Variants in RYR1 observed in about 807,000 individuals in gnomAD.
RYR1 encodes the protein ryanodine receptor 1.
Under a neutral mutation model 583.5 loss-of-function variants are expected in RYR1, and 342 were observed. The observed-to-expected ratio is 0.59, with a 90% CI of 0.54 to 0.64. RYR1 has a LOEUF of 0.64. Among genes scored for constraint, RYR1 ranks in the 30% least tolerant of loss-of-function variants. The pLI is 0.00. For synonymous variants in RYR1, 2,791 were observed against 2,822.5 expected, an observed-to-expected ratio of 0.99 and a Z score of 0.35; for missense variants, 6,032 against 6,917.2, an observed-to-expected ratio of 0.87 and a Z score of 4.54.
rs1470156027 is a variant in RYR1 at position 38,483,515 on chromosome 19, C to T, written c.4933C>T (p.Arg1645Trp). The change falls in exon 33 of 106, where the codon CGG becomes TGG. Residue 1645 changes from arginine to tryptophan, a missense_variant and splice_region_variant. Arg to Trp is a moderately radical substitution (Grantham distance 101). Transcript: ENST00000359596. The surrounding 1 kb of genome is among the most constrained non-coding windows in gnomAD (Gnocchi z 6.3). ...GGCGCTGCACATCCCCGAGGAGAAC[C>T]GGTCAGGGCCAGCCCAGCTATGCAG... ...MMALHIPEEN[R>W]CMDILELSER... The T allele has an allele frequency of 2.6e-6, 4 of 1,544,906 alleles. No homozygotes were observed. Among genetic ancestry groups the T allele is most frequent in the South Asian group, 2.4e-5 (2 of 84,318 alleles).
chr19:38,500,797 C>G lies in RYR1; in HGVS notation c.7445-24C>G. 1 of 1,613,420 alleles carries G rather than the reference C, an allele frequency of 6.2e-7. No homozygotes were observed. Among genetic ancestry groups the G allele is most frequent in the Non-Finnish European group, 8.5e-7 (1 of 1,179,540 alleles). On this transcript the variant is annotated intron_variant, in intron 46 of 105. Coordinates refer to ENST00000359596, the MANE Select transcript of RYR1 (RefSeq NM_000540.3). The surrounding 1 kb of genome is among the most constrained non-coding windows in gnomAD (Gnocchi z 5.9). ...AGCGGCTGGGTCCGCAGGGCATCCCCGAACCCACCCTCCCTGCCTGCAGAT... is the reference window on the plus strand; with the variant it reads ...AGCGGCTGGGTCCGCAGGGCATCCCGGAACCCACCCTCCCTGCCTGCAGAT...
At chr19:38,554,129 TGGAG>T (rs1454099963) in intron 89 of RYR1, among the ~76,000 whole-genome samples, 1 of 151,770 alleles carries the variant, frequency 6.6e-6, no homozygotes, top group African/African-American at 2.4e-5. Flanking sequence ...TTCCAGCAGA[TGGAG>T]GGAAATGTGC....
At chr19:38,532,129 T>TG in intron 76 of RYR1, among the ~76,000 whole-genome samples, 1 of 151,452 alleles carries the variant, frequency 6.6e-6, no homozygotes. Flanking sequence ...GCTCTTTTTT[T>TG]TTTTTTTTTT....
At chr19:38,570,112 G>C (rs1973645521) in intron 93 of RYR1, among the ~76,000 whole-genome samples, 1 of 152,168 alleles carries the variant, frequency 6.6e-6, no homozygotes, top group African/African-American at 2.4e-5. Flanking sequence ...AGTGAGCCGA[G>C]ATGGCGCCAC....
In RYR1 at chr19:38,499,126, G is replaced by A. The variant is rs377080876; in HGVS notation, c.6910G>A (p.Gly2304Ser). The change falls in exon 43 of 106, where the codon GGC becomes AGC. Residue 2304 changes from glycine to serine, a missense_variant. By Grantham distance (56) the Gly-to-Ser change is moderately conservative. Around this residue, in one of 11 missense-constraint regions of RYR1, gnomAD observed 2,627 missense variants for 2,961.3 expected, o/e 0.89. Coordinates refer to ENST00000359596, the MANE Select transcript of RYR1 (RefSeq NM_000540.3). The surrounding 1 kb of genome is among the most constrained non-coding windows in gnomAD (Gnocchi z 7.3). ...CCCCCAGGTTGTGTCCTACCTGGCA[G>A]GCTGTGGCCTCCAGAGCTGCCCCAT... ...DLEKVVSYLA[G>S]CGLQSCPMLV... The A allele has an allele frequency of 2.7e-5, 43 of 1,614,038 alleles. No individual in the cohort carries two copies. In the African/African-American group the frequency reaches 4.7e-4, roughly 18 times the overall value.
chr19:38,452,700 G>C (rs531970829), intron 12 of RYR1, 119 bp from the exon 13 acceptor site: 1 of 873,824 alleles, frequency 1.1e-6, no homozygotes, highest in East Asian at 2.7e-5. Flanking sequence ...TCTGCGTCTC[G>C]GTCTCCCTCT....
intron 89 of RYR1, among the ~76,000 whole-genome samples, chr19:38,553,943 A>T (rs1356277434): frequency 6.6e-6 from 1 of 152,120 alleles, no homozygotes; most frequent in Non-Finnish European, 1.5e-5. Flanking sequence ...CGCTGTGTGT[A>T]TATTATGGTT....
chr19:38,572,074 T>A lies in RYR1; in HGVS notation c.13802T>A (p.Val4601Glu), dbSNP rs1973739369. 6.2e-7 allele frequency: 1 copy of A among 1,613,984 alleles called. No homozygotes were observed. Among genetic ancestry groups the A allele is most frequent in the Non-Finnish European group, 8.5e-7 (1 of 1,180,030 alleles). Residue 4601 changes from valine to glutamate, a missense_variant, in exon 95 of 106, where the codon GTG becomes GAG. This residue lies in a region of RYR1 where 35 missense variants were observed against 66.0 expected (regional missense o/e 0.53). Transcript: ENST00000359596. ...DDMEGSAAGD[V>E]SGAGSGGSSG... ...ATGGAAGGCTCAGCTGCTGGGGATG[T>A]GTCAGGTGCAGGCTCTGGTGGCAGC...
chr19:38,580,750 G>A (rs530584638), intron 101 of RYR1, among the ~76,000 whole-genome samples: 2 of 152,230 alleles, frequency 1.3e-5, no homozygotes, highest in South Asian at 4.1e-4. Context: ...TGGAGGCTAA[G>A]GCAAGAGGAT....
At position 38,444,226 on chromosome 19, in the gene RYR1, A is replaced by T; in HGVS notation, c.502A>T (p.Ile168Phe). The T allele has an allele frequency of 6.2e-7, 1 of 1,614,020 alleles. No individual in the cohort carries two copies. The highest frequency in any genetic ancestry group is 8.5e-7 in the Non-Finnish European group (1 of 1,179,956). Residue 168 changes from isoleucine (I) to phenylalanine (F), a missense_variant, in exon 6 of 106, where the codon ATC becomes TTC. This residue lies in a region of RYR1 where 338 missense variants were observed against 441.6 expected (regional missense o/e 0.77). Transcript: ENST00000359596. This position sits in a 1 kb window ranked among gnomAD's most constrained non-coding sequence, Gnocchi z 5.1. ...EGEKVRVGDD[I>F]ILVSVSSERY... is the part of the protein sequence containing the mutation. ...AGAAAAGGTCCGCGTTGGGGATGAC[A>T]TCATCCTTGTCAGTGTCTCCTCCGA...
intron 84 of RYR1, chr19:38,538,812 A>T (rs1303080579): frequency 6.6e-6 from 1 of 152,232 alleles, no homozygotes; most frequent in Non-Finnish European, 1.5e-5. Context: ...CAGCAAATTA[A>T]TTACACAACA....
At chr19:38,469,249 C>A in intron 26 of RYR1, 56 bp from the exon 27 acceptor site, 1 of 1,607,146 alleles carries the variant, frequency 6.2e-7, no homozygotes, top group Non-Finnish European at 8.5e-7. Flanking sequence ...CTCCCCTCGG[C>A]TCCCTCTGCC....
In RYR1 at chr19:38,586,221, G is replaced by A. The variant is rs752294205; in HGVS notation, c.14969+30G>A. On this transcript the variant is annotated intron_variant, in intron 104 of 105. Transcript: ENST00000359596. The stretch of plus-strand genomic sequence containing the variant: ...GCAGACACACTGGCCAGTCAGGAGG[G>A]TGGGGGGCATGGCTGCCAATAGCCA... 25 of 1,599,790 alleles carry A rather than the reference G, an allele frequency of 1.6e-5. No homozygotes were observed. In the African/African-American group the frequency reaches 3.1e-4, roughly 20 times the overall value.
In RYR1 at chr19:38,486,187, C is replaced by T. The variant is rs754562295; in HGVS notation, c.5532C>T (p.Leu1844=). The T allele has an allele frequency of 8.7e-6, 14 of 1,612,782 alleles. No individual in the cohort carries two copies. The highest frequency in any genetic ancestry group is 2.2e-5 in the East Asian group (1 of 44,886). ...TCCAGTTTGTGCCTGTGCTCAAGCT[C>T]GTGTCCACCCTGCTGGTAATGGCTT... ...VEFQFVPVLK[L]VSTLLVMGIF... Residue 1844 remains leucine (L), a synonymous_variant, in exon 34 of 106, where the codon CTC becomes CTT. Transcript: ENST00000359596.
At chr19:38,491,464 CTG>C (rs1401224284) in intron 37 of RYR1, among the ~76,000 whole-genome samples, 4 of 148,144 alleles carry the variant, frequency 2.7e-5, no homozygotes, top group African/African-American at 1.0e-4. Flanking sequence ...CGGTCTCACT[CTG>C]TCACCCAGCA....
intron 71 of RYR1, 127 bp from the exon 72 acceptor site, chr19:38,526,866 A>T: frequency 1.0e-6 from 1 of 969,168 alleles, no homozygotes; most frequent in Non-Finnish European, 1.6e-6. Flanking sequence ...TGTTTCTCTC[A>T]GACCCCCACC....
intron 10 of RYR1, 37 bp downstream of exon 10, chr19:38,448,548 C>T: frequency 6.2e-7 from 1 of 1,614,020 alleles, no homozygotes; most frequent in African/African-American, 1.3e-5. Context: ...TCACCTGAAG[C>T]CCCCAGTCCC....
intron 63 of RYR1, among the ~76,000 whole-genome samples, chr19:38,514,202 G>A (rs1970849710): frequency 6.6e-6 from 1 of 151,892 alleles, no homozygotes; most frequent in Non-Finnish European, 1.5e-5. Context: ...GGCCGAGGTG[G>A]GCAAATCACT....
intron 84 of RYR1, among the ~76,000 whole-genome samples, chr19:38,541,401 T>C (rs558010317): frequency 7.3e-5 from 11 of 151,338 alleles, no homozygotes; most frequent in Admixed American, 3.3e-4. Context: ...ATTGAACACA[T>C]GTATCAGGTC....
Sources: allele counts gnomAD v4.1 joint callset (sites outside exome capture counted in the v4.1 genomes callset), GRCh38; gene constraint gnomAD v4.1.1; regional missense constraint gnomAD v4.1.1; non-coding constraint Gnocchi (gnomAD v3.1); transcripts MANE v1.5; gene names NCBI Gene and HGNC (gene_info 2026-07-23, HGNC 2026-07-21).